TBC1D32: variants seen among roughly 807,000 people sequenced by gnomAD.
TBC1D32 encodes the protein protein broad-minded.
In TBC1D32, 151 loss-of-function variants were observed where a neutral mutation model predicts 170.3. The ratio of observed to expected loss-of-function variants is 0.89; its 90% CI spans 0.78 to 1.01. The LOEUF is 1.01. Ranked by LOEUF, TBC1D32 falls within the 50% of genes least tolerant of loss-of-function variation. TBC1D32 has a pLI of 0.00. For missense variants in TBC1D32, 1,464 were observed against 1,457.1 expected, an observed-to-expected ratio of 1.00 and a Z score of -0.08; for synonymous variants, 498 against 488.0, an observed-to-expected ratio of 1.02 and a Z score of -0.27.
intron 2 of TBC1D32, among the ~76,000 whole-genome samples, chr6:121,320,741 G>C (rs1241658814): frequency 6.6e-6 from 1 of 152,106 alleles, no homozygotes; most frequent in East Asian, 1.9e-4. Flanking sequence ...CAAAGAGGAA[G>C]AGCTCCTGTC....
chr6:121,323,518 A>G (rs1810038079), intron 1 of TBC1D32, among the ~76,000 whole-genome samples: 1 of 152,208 alleles, frequency 6.6e-6, no homozygotes, highest in South Asian at 2.1e-4. Flanking sequence ...TTCATGGTCA[A>G]ATACTGCTTC....
At chr6:121,207,467 A>C (rs1792423105) in intron 21 of TBC1D32, among the ~76,000 whole-genome samples, 1 of 152,316 alleles carries the variant, frequency 6.6e-6, no homozygotes, top group African/African-American at 2.4e-5. Flanking sequence ...TATCAATGAG[A>C]ATGCATTTTC....
chr6:121,125,306 A>G (rs1780704216), intron 26 of TBC1D32, among the ~76,000 whole-genome samples: 1 of 152,130 alleles, frequency 6.6e-6, no homozygotes, highest in Non-Finnish European at 1.5e-5. Context: ...TCCAGCCCAG[A>G]AAGACATGGG....
intron 21 of TBC1D32, among the ~76,000 whole-genome samples, chr6:121,212,512 T>C (rs2128313942): frequency 6.7e-6 from 1 of 148,176 alleles, no homozygotes; most frequent in South Asian, 2.1e-4. Flanking sequence ...TGGAGTGTAG[T>C]GGCACAATCT....
rs931768520 is a variant in TBC1D32, at chr6:121,178,369, T to A, written c.2571-17313A>T. ...TTTCATACTGATGATATGAAAAACT[T>A]TGTGAGTACAGGACTGAGATTACCT... is the stretch of plus-strand genomic sequence containing the variant. On this transcript the variant is annotated intron_variant, in intron 22 of 31. Coordinates refer to ENST00000398212, the MANE Select transcript of TBC1D32 (RefSeq NM_152730.6). Among the ~76,000 whole-genome samples, 9 of 152,126 alleles carry A rather than the reference T, an allele frequency of 5.9e-5. No homozygotes were observed. In the South Asian group the frequency reaches 8.3e-4, roughly 14 times the overall value.
rs187185239 is a variant in TBC1D32 at position 121,232,750 on chromosome 6, T to G, written c.2364+6320A>C. 4.7e-3 allele frequency among the ~76,000 whole-genome samples: 716 copies of G among 152,096 alleles called. 5 individuals are homozygous for G. The highest frequency in any genetic ancestry group is 7.0e-3 in the Non-Finnish European group (477 of 67,888). ...CAGCTTGGTGTTCATTATTTCTTTT[T>G]TCCTGCTGGGTTTGGTTTTGGATTA... is the stretch of plus-strand genomic sequence containing the variant. On this transcript the variant is annotated intron_variant, in intron 20 of 31. Coordinates refer to ENST00000398212, the MANE Select transcript of TBC1D32 (RefSeq NM_152730.6).
At chr6:121,090,386 GCAC>G (rs936767484) in intron 31 of TBC1D32, among the ~76,000 whole-genome samples, 8 of 152,018 alleles carry the variant, frequency 5.3e-5, no homozygotes, top group African/African-American at 7.2e-5. Context: ...TTTAAAAATA[GCAC>G]CACATTTGGT....
At chr6:121,101,990 T>A (rs1326638494) in intron 30 of TBC1D32, among the ~76,000 whole-genome samples, 1 of 152,120 alleles carries the variant, frequency 6.6e-6, no homozygotes, top group African/African-American at 2.4e-5. Flanking sequence ...CATTCACAAT[T>A]GCTTCAAAGA....
At chr6:121,327,054 C>T (rs1428732271) in intron 1 of TBC1D32, among the ~76,000 whole-genome samples, 1 of 152,110 alleles carries the variant, frequency 6.6e-6, no homozygotes, top group Non-Finnish European at 1.5e-5. Context: ...AGCTGCTATT[C>T]TATAATGGTG....
intron 30 of TBC1D32, among the ~76,000 whole-genome samples, chr6:121,093,916 C>T (rs1777108869): frequency 6.6e-6 from 1 of 151,932 alleles, no homozygotes; most frequent in Admixed American, 6.6e-5. Context: ...TTTTTGACCA[C>T]CTAATATGTA....
At chr6:121,318,860 T>C (rs1460286060) in intron 2 of TBC1D32, among the ~76,000 whole-genome samples, 1 of 151,240 alleles carries the variant, frequency 6.6e-6, no homozygotes, top group Non-Finnish European at 1.5e-5. Flanking sequence ...CACAGAAATG[T>C]CCTTTTCTGT....
intron 12 of TBC1D32, among the ~76,000 whole-genome samples, chr6:121,288,538 G>C (rs1427087333): frequency 1.3e-5 from 2 of 152,096 alleles, no homozygotes; most frequent in Non-Finnish European, 2.9e-5. Context: ...AAAAGTCCAG[G>C]ACCAGATGGA....
chr6:121,328,818 G>T (rs1295739996), intron 1 of TBC1D32, among the ~76,000 whole-genome samples: 2 of 152,040 alleles, frequency 1.3e-5, no homozygotes, highest in Non-Finnish European at 2.9e-5. Context: ...CATATACTTT[G>T]ACATTTTTCT....
At chr6:121,108,117 A>C (rs1028899674) in intron 29 of TBC1D32, among the ~76,000 whole-genome samples, 1 of 152,090 alleles carries the variant, frequency 6.6e-6, no homozygotes, top group African/African-American at 2.4e-5. Context: ...TGCAATCATT[A>C]GTGTTTTTTC....
At chr6:121,299,543 G>C (rs1219797079) in intron 9 of TBC1D32, 38 bp from the exon 10 acceptor site, 2 of 1,464,826 alleles carry the variant, frequency 1.4e-6, no homozygotes, top group Non-Finnish European at 1.8e-6. Context: ...TACTCAAGCT[G>C]TGCCACTCAA....
intron 22 of TBC1D32, among the ~76,000 whole-genome samples, chr6:121,185,085 G>A (rs1394799702): frequency 1.3e-5 from 2 of 150,550 alleles, no homozygotes; most frequent in African/African-American, 4.9e-5. Context: ...TGACCATCTA[G>A]ACCAACCATT....
chr6:121,093,518 C>A (rs908215325), intron 30 of TBC1D32, among the ~76,000 whole-genome samples: 1 of 152,034 alleles, frequency 6.6e-6, no homozygotes, highest in Non-Finnish European at 1.5e-5. Context: ...AAAATAAATA[C>A]AAACGATCTC....
intron 23 of TBC1D32, among the ~76,000 whole-genome samples, chr6:121,160,577 G>C (rs981867655): frequency 2.6e-5 from 4 of 151,342 alleles, no homozygotes; most frequent in African/African-American, 9.7e-5. Context: ...GGAAGGAGAG[G>C]TACTCAATGT....
intron 24 of TBC1D32, among the ~76,000 whole-genome samples, chr6:121,141,734 C>T (rs960313086): frequency 6.6e-6 from 1 of 151,992 alleles, no homozygotes; most frequent in Non-Finnish European, 1.5e-5. Flanking sequence ...AAATGAAATG[C>T]ATGTTCACAC....
Sources: gnomAD v4.1 joint callset for allele counts (sites outside exome capture counted in the v4.1 genomes callset) on GRCh38, gnomAD v4.1.1 for gene constraint, MANE v1.5 for transcripts, NCBI Gene and HGNC (gene_info 2026-07-23, HGNC 2026-07-21) for gene names.